Variants in KREMEN1 observed in about 807,000 individuals in gnomAD.
KREMEN1 encodes kremen protein 1.
Under a neutral mutation model 46.5 loss-of-function variants are expected in KREMEN1, and 30 were observed. The observed-to-expected ratio is 0.65, with a 90% CI of 0.48 to 0.88. KREMEN1 has a LOEUF of 0.88. Among genes scored for constraint, KREMEN1 ranks in the 40% least tolerant of loss-of-function variants. The pLI is 0.00. For missense variants in KREMEN1, 533 were observed against 596.9 expected (o/e 0.89, Z 1.11); for synonymous variants, 214 against 230.6 (o/e 0.93, Z 0.65).
intron 1 of KREMEN1, among the ~76,000 whole-genome samples, chr22:29,087,989 C>A (rs2145750699): frequency 6.6e-6 from 1 of 152,274 alleles, no homozygotes; most frequent in African/African-American, 2.4e-5. Context: ...GTTTTCCTCA[C>A]TTATGATTAG....
intron 3 of KREMEN1, among the ~76,000 whole-genome samples, chr22:29,109,567 A>C (rs2038111069): frequency 6.6e-6 from 1 of 152,212 alleles, no homozygotes; most frequent in Non-Finnish European, 1.5e-5. Flanking sequence ...GAGGAAGCAC[A>C]GAATTGATGA....
chr22:29,138,551 C>T (rs963938419), intron 6 of KREMEN1, 73 bp from the exon 7 acceptor site: 3 of 1,417,738 alleles, frequency 2.1e-6, no homozygotes, highest in African/African-American at 1.4e-5. Context: ...CTTCATAACT[C>T]GTGCTCTCCT....
chr22:29,085,282 C>T (rs573129201), intron 1 of KREMEN1, among the ~76,000 whole-genome samples: 17 of 152,156 alleles, frequency 1.1e-4, no homozygotes, highest in African/African-American at 4.1e-4. Flanking sequence ...TATCTATCTC[C>T]CGACTCCCAC....
chr22:29,085,704 A>G (rs2037718003), intron 1 of KREMEN1, among the ~76,000 whole-genome samples: 1 of 152,150 alleles, frequency 6.6e-6, no homozygotes, highest in Admixed American at 6.6e-5. Context: ...GCCGGGCACA[A>G]TAGCTCTTGC....
chr22:29,082,149 G>A (rs1021666904), intron 1 of KREMEN1, among the ~76,000 whole-genome samples: 5 of 151,948 alleles, frequency 3.3e-5, no homozygotes, highest in African/African-American at 9.7e-5. Context: ...GAGGCAAGGC[G>A]TAGATTTGAG....
intron 9 of KREMEN1, among the ~76,000 whole-genome samples, chr22:29,158,143 G>A (rs995027637): frequency 1.3e-5 from 2 of 152,236 alleles, no homozygotes; most frequent in African/African-American, 4.8e-5. Context: ...AGAGCATGAG[G>A]CTGGAGAAGT....
At chr22:29,164,775 A>G (rs938160380) in intron 9 of KREMEN1, among the ~76,000 whole-genome samples, 3 of 151,070 alleles carry the variant, frequency 2.0e-5, no homozygotes, top group Non-Finnish European at 4.4e-5. Context: ...AAAACCCAAA[A>G]CAAGGAACTA....
chr22:29,090,613 A>C (rs2037790426), intron 1 of KREMEN1, among the ~76,000 whole-genome samples: 1 of 152,212 alleles, frequency 6.6e-6, no homozygotes, highest in Admixed American at 6.5e-5. Flanking sequence ...TAGCAATCTC[A>C]GTTCTAGGTA....
At chr22:29,150,229 G>T (rs982530735), downstream of KREMEN1, among the ~76,000 whole-genome samples, 1 of 152,320 alleles carries the variant, frequency 6.6e-6, no homozygotes, top group African/African-American at 2.4e-5. Flanking sequence ...GGTGGGGGGG[G>T]GGGCAGTGCC....
chr22:29,082,829 C>T (rs894698222), intron 1 of KREMEN1, among the ~76,000 whole-genome samples: 7 of 152,154 alleles, frequency 4.6e-5, no homozygotes, highest in African/African-American at 1.4e-4. Flanking sequence ...TCAAATAGTT[C>T]GCCTTTTGTT....
chr22:29,152,810 G>C (rs549121718), intron 9 of KREMEN1, among the ~76,000 whole-genome samples: 4 of 152,198 alleles, frequency 2.6e-5, no homozygotes, highest in Non-Finnish European at 5.9e-5. Flanking sequence ...GCCTGGGGGT[G>C]CCCCATGGGT....
chr22:29,158,155 G>A (rs969500908), intron 9 of KREMEN1, among the ~76,000 whole-genome samples: 1 of 152,190 alleles, frequency 6.6e-6, no homozygotes, highest in African/African-American at 2.4e-5. Context: ...TGGAGAAGTG[G>A]GCTGGCCCAG....
In KREMEN1 at chr22:29,120,140, GGGAGGAGGGAGAGGTGATGAAGGAAAT is replaced by G. The variant is rs1569325720; in HGVS notation, c.353-1190_353-1164del. Among the ~76,000 whole-genome samples the G allele has an allele frequency of 7.6e-4, 82 of 107,436 alleles. 3 individuals are homozygous for G. Among genetic ancestry groups the G allele is most frequent in the East Asian group, 5.2e-3 (12 of 2,330 alleles). 70.5% of individuals were successfully genotyped at this position (107,436 alleles called of 152,430 possible). On this transcript the variant is annotated intron_variant, in intron 3 of 8. Coordinates refer to ENST00000400335, the MANE Select transcript of KREMEN1 (RefSeq NM_001039570.3). ...GGAGGGAGAGGTGATGATGGAAACAGGGAGGAGGGAGAGGTGATGAAGGAAATGGAGGAGGGAGAGGTGATGAAGGAA... is the reference window on the plus strand; with the variant it reads ...GGAGGGAGAGGTGATGATGGAAACAGGGAGGAGGGAGAGGTGATGAAGGAA...
At position 29,073,842 on chromosome 22, in the gene KREMEN1, C is replaced by T. The variant is rs2037519108; in HGVS notation, c.97+615C>T. On this transcript the variant is annotated intron_variant, in intron 1 of 8. Coordinates refer to ENST00000400335, the MANE Select transcript of KREMEN1 (RefSeq NM_001039570.3). The surrounding 1 kb of genome is among the most constrained non-coding windows in gnomAD (Gnocchi z 4.4). ...GGACGACCCCTGCTCCCCAGTACCT[C>T]CTGGGATCCCGCCCCAAGTCCTTCA... 1.3e-5 allele frequency among the ~76,000 whole-genome samples: 2 copies of T among 152,192 alleles called. No homozygotes were observed. Among genetic ancestry groups the T allele is most frequent in the South Asian group, 4.1e-4 (2 of 4,832 alleles).
chr22:29,144,707 A>G lies in KREMEN1; in HGVS notation c.*2595A>G, dbSNP rs1962026962. On this transcript the variant is annotated 3_prime_UTR_variant, in exon 9 of 9. Coordinates refer to ENST00000400335, the MANE Select transcript of KREMEN1 (RefSeq NM_001039570.3). The stretch of plus-strand genomic sequence containing the variant: ...GAATGTGGCACGTGGCCCCAGGAAG[A>G]GTTCACCCGGCCAGGGGGCAGTTGT... 1 of 985,390 alleles carries G rather than the reference A, an allele frequency of 1.0e-6. No individual in the cohort carries two copies. Among genetic ancestry groups the G allele is most frequent in the African/African-American group, 1.7e-5 (1 of 57,256 alleles). The allele number at this position is 985,390 out of a possible 1,614,324, so 61.0% of individuals were successfully genotyped here. A position where few individuals can be genotyped will look rare whatever the true frequency, so the allele number is the denominator to read the frequency against.
In KREMEN1 at chr22:29,094,251, C is replaced by T. The variant is rs1431223650; in HGVS notation, c.98-7C>T. On this transcript the variant is annotated splice_region_variant and splice_polypyrimidine_tract_variant and intron_variant, in intron 1 of 8. Transcript: ENST00000400335. ...AATTAGTTTGCTCTGTCTTTTTTTT[C>T]TTCTAGAGTGTTTCACAGCCAATGG... is the stretch of plus-strand genomic sequence containing the variant. The T allele has an allele frequency of 3.1e-6, 5 of 1,593,208 alleles. No homozygotes were observed. Among genetic ancestry groups the T allele is most frequent in the Admixed American group, 1.8e-5 (1 of 54,164 alleles).
At chr22:29,082,688 A>G (rs575504788) in intron 1 of KREMEN1, among the ~76,000 whole-genome samples, 5 of 152,340 alleles carry the variant, frequency 3.3e-5, no homozygotes, top group African/African-American at 9.6e-5. Context: ...AAACAGGGCT[A>G]TGTGCTTCCT....
chr22:29,145,737 C>A lies in KREMEN1; in HGVS notation c.*3625C>A. On this transcript the variant is annotated 3_prime_UTR_variant, in exon 9 of 9. Coordinates refer to ENST00000400335, the MANE Select transcript of KREMEN1 (RefSeq NM_001039570.3). The stretch of plus-strand genomic sequence containing the variant: ...CCCCCACGTCAGGACAGGCTTGAGG[C>A]CTCTCTGGGCGTGAGCGAGGAAACC... 1 of 985,542 alleles carries A rather than the reference C, an allele frequency of 1.0e-6. No homozygotes were observed. The highest frequency in any genetic ancestry group is 1.2e-6 in the Non-Finnish European group (1 of 829,994). The allele number at this position is 985,542 out of a possible 1,614,324, so 61.0% of individuals were successfully genotyped here. A position where few individuals can be genotyped will look rare whatever the true frequency, so the allele number is the denominator to read the frequency against.
At chr22:29,120,690 C>G (rs2038342175) in intron 3 of KREMEN1, among the ~76,000 whole-genome samples, 2 of 65,510 alleles carry the variant, frequency 3.1e-5, no homozygotes, top group Admixed American at 4.0e-4. Flanking sequence ...ATATGGGCAG[C>G]TGCTAGGAGG....
Sources: allele counts gnomAD v4.1 joint callset (sites outside exome capture counted in the v4.1 genomes callset), GRCh38; gene constraint gnomAD v4.1.1; non-coding constraint Gnocchi (gnomAD v3.1); transcripts MANE v1.5; gene names NCBI Gene and HGNC (gene_info 2026-07-23, HGNC 2026-07-21).